Variants in DGKI observed in about 807,000 individuals in gnomAD.
The protein encoded by DGKI is diacylglycerol kinase iota.
DGKI carries 55 observed loss-of-function variants against 147.5 expected under a neutral mutation model. The observed-to-expected ratio is 0.37, with a 90% CI of 0.30 to 0.47. DGKI has a LOEUF of 0.47. Ranked by LOEUF, DGKI falls within the 20% of genes least tolerant of loss-of-function variation. The pLI is 1.00. For synonymous variants in DGKI, 469 were observed against 477.1 expected (o/e 0.98, Z 0.22); for missense variants, 1,007 against 1,323.8 (o/e 0.76, Z 3.71).
intron 30 of DGKI, among the ~76,000 whole-genome samples, chr7:137,406,365 C>T (rs1258922149): frequency 6.6e-6 from 1 of 152,114 alleles, no homozygotes; most frequent in Non-Finnish European, 1.5e-5. Flanking sequence ...ATACAAGCCC[C>T]AGACTTAGCA....
In DGKI at chr7:137,813,871, T is replaced by C. The variant is rs189289385; in HGVS notation, c.401+32591A>G. Among the ~76,000 whole-genome samples the C allele has an allele frequency of 1.8e-3, 272 of 152,244 alleles. 1 individual carries two copies. Among genetic ancestry groups the C allele is most frequent in the African/African-American group, 6.1e-3 (255 of 41,538 alleles). On this transcript the variant is annotated intron_variant, in intron 1 of 32. Coordinates refer to ENST00000614521, the MANE Select transcript of DGKI (RefSeq NM_001321708.2). ...GGTTCAGGATATCTAATAACGCTAA[T>C]AGTTATTGAGTGAGATGTGGGCAAA... is the stretch of plus-strand genomic sequence containing the variant.
At chr7:137,467,127 C>CTT (rs368777496) in intron 24 of DGKI, among the ~76,000 whole-genome samples, 185 bp from the exon 25 acceptor site, 119 of 152,296 alleles carry the variant, frequency 7.8e-4, no homozygotes, top group African/African-American at 2.8e-3. Flanking sequence ...TATTCTAAGG[C>CTT]TTGGAAAGCC....
chr7:137,690,276 G>A (rs1003034246), intron 1 of DGKI, among the ~76,000 whole-genome samples: 1 of 152,174 alleles, frequency 6.6e-6, no homozygotes, highest in African/African-American at 2.4e-5. Context: ...ATTCAGAGTA[G>A]AGGGAAAGAG....
At chr7:137,683,849 T>C (rs891960295) in intron 2 of DGKI, among the ~76,000 whole-genome samples, 3 of 152,112 alleles carry the variant, frequency 2.0e-5, no homozygotes, top group African/African-American at 7.2e-5. Flanking sequence ...AGAGTGGAGA[T>C]TCACCTAAAT....
chr7:137,409,080 A>G (rs905033209), intron 29 of DGKI, among the ~76,000 whole-genome samples: 1 of 152,210 alleles, frequency 6.6e-6, no homozygotes. Context: ...TATATTAAAT[A>G]GTTTTAAATA....
At chr7:137,567,943 G>A (rs780559228) in intron 19 of DGKI, among the ~76,000 whole-genome samples, 3 of 152,124 alleles carry the variant, frequency 2.0e-5, no homozygotes, top group Non-Finnish European at 2.9e-5. Flanking sequence ...TAATGGAAGA[G>A]GTTGTAGGTG....
At chr7:137,533,454 G>T (rs565774833) in intron 20 of DGKI, among the ~76,000 whole-genome samples, 1 of 152,100 alleles carries the variant, frequency 6.6e-6, no homozygotes, top group East Asian at 1.9e-4. Flanking sequence ...AAAATAATTT[G>T]GAGTGCCTTT....
At chr7:137,669,607 C>T (rs1052650605) in intron 3 of DGKI, among the ~76,000 whole-genome samples, 3 of 152,196 alleles carry the variant, frequency 2.0e-5, no homozygotes, top group African/African-American at 7.2e-5. Context: ...CACGCAAATG[C>T]AGCCTCAATC....
At chr7:137,690,039 A>AAAGAC in intron 1 of DGKI, 37 bp from the exon 2 acceptor site, 1 of 1,292,324 alleles carries the variant, frequency 7.7e-7, no homozygotes, top group Non-Finnish European at 1.1e-6. Flanking sequence ...AAAACAAAGA[A>AAAGAC]AAACCAACAT....
At position 137,708,777 on chromosome 7, in the gene DGKI, G is replaced by A. The variant is rs891744630; in HGVS notation, c.402-18775C>T. On this transcript the variant is annotated intron_variant, in intron 1 of 32. Coordinates refer to ENST00000614521, the MANE Select transcript of DGKI (RefSeq NM_001321708.2). ...AATAGATATAGATCTGCTATGAATG[G>A]AATGATGGGAATAAGTGGTAGAAAA... 2.0e-5 allele frequency among the ~76,000 whole-genome samples: 3 copies of A among 152,156 alleles called. No individual in the cohort carries two copies. In the South Asian group the frequency reaches 6.2e-4, roughly 32 times the overall value.
chr7:137,517,336 A>AAAGAAAGT (rs1816808423), intron 21 of DGKI, among the ~76,000 whole-genome samples: 1 of 140,522 alleles, frequency 7.1e-6, no homozygotes, highest in East Asian at 2.2e-4. Flanking sequence ...AGAAAGAAAG[A>AAAGAAAGT]AAGAGAAAGA....
At chr7:137,433,518 T>A (rs1247886660) in intron 28 of DGKI, among the ~76,000 whole-genome samples, 3 of 152,330 alleles carry the variant, frequency 2.0e-5, no homozygotes, top group African/African-American at 7.2e-5. Flanking sequence ...TAGCCTCACA[T>A]GAGAATTATA....
intron 21 of DGKI, among the ~76,000 whole-genome samples, chr7:137,504,096 G>A (rs985616156): frequency 6.6e-6 from 1 of 152,168 alleles, no homozygotes; most frequent in African/African-American, 2.4e-5. Context: ...AAAGCAGAAA[G>A]AGCCACCTTT....
chr7:137,706,718 G>T (rs957376124), intron 1 of DGKI, among the ~76,000 whole-genome samples: 2 of 151,738 alleles, frequency 1.3e-5, no homozygotes, highest in Non-Finnish European at 2.9e-5. Context: ...GACTACAGGC[G>T]CATGCCACCA....
intron 8 of DGKI, among the ~76,000 whole-genome samples, chr7:137,618,908 T>C (rs1343748377): frequency 6.6e-6 from 1 of 152,204 alleles, no homozygotes; most frequent in African/African-American, 2.4e-5. Flanking sequence ...CAACAGAGTC[T>C]AAACTTTATA....
At chr7:137,480,333 A>G (rs1349572802) in intron 23 of DGKI, among the ~76,000 whole-genome samples, 1 of 152,208 alleles carries the variant, frequency 6.6e-6, no homozygotes, top group Non-Finnish European at 1.5e-5. Context: ...GTCCCACTCT[A>G]TCTATTGAAG....
At chr7:137,548,826 T>C (rs1337808134) in intron 20 of DGKI, among the ~76,000 whole-genome samples, 1 of 152,044 alleles carries the variant, frequency 6.6e-6, no homozygotes, top group Non-Finnish European at 1.5e-5. Flanking sequence ...CTGGGCATGG[T>C]AGCGCACACC....
intron 3 of DGKI, among the ~76,000 whole-genome samples, chr7:137,668,768 C>T (rs1017033896): frequency 1.3e-5 from 2 of 152,192 alleles, no homozygotes; most frequent in African/African-American, 4.8e-5. Flanking sequence ...GCCTGACTGT[C>T]AGCTAGGCTA....
chr7:137,480,801 G>A (rs1044574485), intron 23 of DGKI, among the ~76,000 whole-genome samples: 2 of 152,088 alleles, frequency 1.3e-5, no homozygotes, highest in Admixed American at 6.6e-5. Flanking sequence ...AAAATCTCAA[G>A]TTATAATTCC....
Sources: gnomAD v4.1 joint callset for allele counts (sites outside exome capture counted in the v4.1 genomes callset) on GRCh38, gnomAD v4.1.1 for gene constraint, MANE v1.5 for transcripts, NCBI Gene and HGNC (gene_info 2026-07-23, HGNC 2026-07-21) for gene names.